The following CFAP91 variants were observed in gnomAD, a reference collection of about 807,000 sequenced individuals.
CFAP91 encodes the protein cilia- and flagella-associated protein 91.
Under a neutral mutation model 95.9 loss-of-function variants are expected in CFAP91, and 85 were observed. The observed-to-expected ratio is 0.89, with a 90% CI of 0.74 to 1.06. The LOEUF (loss-of-function observed/expected upper bound fraction) is 1.06, where lower values mean the gene tolerates loss of function less well. Ranked by LOEUF, CFAP91 falls within the 50% of genes least tolerant of loss-of-function variation. The probability of loss-of-function intolerance (pLI) is 0.00; values close to 1 mark genes in which losing one functional copy is unlikely to be tolerated. For missense variants in CFAP91, 962 were observed against 943.4 expected (o/e 1.02, Z -0.26); for synonymous variants, 335 against 327.5 (o/e 1.02, Z -0.25).
chr3:119,714,933 T>C (rs2053546038), intron 5 of CFAP91, among the ~76,000 whole-genome samples: 1 of 152,224 alleles, frequency 6.6e-6, no homozygotes, highest in African/African-American at 2.4e-5. Context: ...AGTACTTTTA[T>C]AGTCTCATTT....
chr3:119,712,200 C>T (rs1207549588), intron 5 of CFAP91, among the ~76,000 whole-genome samples: 1 of 152,140 alleles, frequency 6.6e-6, no homozygotes, highest in African/African-American at 2.4e-5. Flanking sequence ...TCATATTTTA[C>T]TCTCCCCTAA....
chr3:119,721,377 TACTAAAGGTG>T (rs1396852101), intron 6 of CFAP91, among the ~76,000 whole-genome samples: 2 of 152,208 alleles, frequency 1.3e-5, no homozygotes, highest in African/African-American at 4.8e-5. Context: ...ATAAACATCA[TACTAAAGGTG>T]AAACTTCAGA....
At chr3:119,748,150 A>G (rs1350258967) in intron 16 of CFAP91, among the ~76,000 whole-genome samples, 1 of 152,206 alleles carries the variant, frequency 6.6e-6, no homozygotes, top group Admixed American at 6.5e-5. Flanking sequence ...GTTTAAAAGG[A>G]TGTTCCCAAG....
intron 5 of CFAP91, among the ~76,000 whole-genome samples, chr3:119,711,306 A>T (rs1379366871): frequency 2.6e-5 from 4 of 152,198 alleles, no homozygotes; most frequent in Non-Finnish European, 4.4e-5. Flanking sequence ...ATCCAGAAAT[A>T]GCTGTAGACT....
chr3:119,724,884 A>C (rs769424731), intron 6 of CFAP91, among the ~76,000 whole-genome samples: 28 of 152,134 alleles, frequency 1.8e-4, no homozygotes, highest in Admixed American at 6.6e-4. Flanking sequence ...AGCTGGGACT[A>C]CAGGCGCCCA....
In CFAP91 at chr3:119,709,880, T is replaced by C; in HGVS notation, c.485T>C (p.Val162Ala). 1 of 1,611,290 alleles carries C rather than the reference T, an allele frequency of 6.2e-7. No individual in the cohort carries two copies. Among genetic ancestry groups the C allele is most frequent in the Non-Finnish European group, 8.5e-7 (1 of 1,177,478 alleles). The change falls in exon 5 of 18, where the codon GTT (valine) becomes GCT (alanine). Residue 162 changes from valine to alanine, a missense_variant. Transcript: ENST00000273390. ...TTTCAGCAGATGCCATTCAATGTTG[T>C]TTATGCCGTATCCAAGTAAGTAACC... is the stretch of plus-strand genomic sequence containing the variant. The part of the protein sequence containing the change: ...PFFQQMPFNV[V>A]YAVSKAEPYT...
At chr3:119,747,570 G>C in intron 15 of CFAP91, 1 of 571,266 alleles carries the variant, frequency 1.8e-6, no homozygotes, top group Non-Finnish European at 3.1e-6. Context: ...TGGCTTCTAT[G>C]TATAAGCTGT....
intron 17 of CFAP91, among the ~76,000 whole-genome samples, chr3:119,758,990 T>TA (rs1285792847): frequency 6.6e-6 from 1 of 152,056 alleles, no homozygotes; most frequent in African/African-American, 2.4e-5. Flanking sequence ...TTGAATTTTA[T>TA]AAAAAATGTT....
intron 1 of CFAP91, chr3:119,706,593 A>C: frequency 2.0e-6 from 1 of 506,610 alleles, no homozygotes; most frequent in Admixed American, 3.4e-5. Context: ...GACTTGGAAT[A>C]CTCAGAAAAG....
At chr3:119,726,048 T>G in intron 6 of CFAP91, 123 bp from the exon 7 acceptor site, 3 of 716,386 alleles carry the variant, frequency 4.2e-6, no homozygotes, top group Non-Finnish European at 4.3e-6. Flanking sequence ...CCTAATGTCA[T>G]GTTATGCTGT....
chr3:119,718,735 C>T (rs1399914696), intron 6 of CFAP91, among the ~76,000 whole-genome samples: 1 of 152,030 alleles, frequency 6.6e-6, no homozygotes, highest in Non-Finnish European at 1.5e-5. Flanking sequence ...AAAATGATTG[C>T]AAACCTAGAA....
intron 17 of CFAP91, among the ~76,000 whole-genome samples, chr3:119,757,148 G>A (rs1395900752): frequency 1.3e-5 from 2 of 152,090 alleles, no homozygotes; most frequent in Non-Finnish European, 2.9e-5. Flanking sequence ...GAGAAAAAGA[G>A]GGACATGCCA....
chr3:119,750,400 G>GGTCGCCGT, intron 16 of CFAP91: 1 of 158,792 alleles, frequency 6.3e-6, no homozygotes, highest in South Asian at 1.7e-4. Context: ...CCCTGATAGT[G>GGTCGCCGT]AATATTCTTA....
At chr3:119,747,964 C>A in intron 16 of CFAP91, 62 bp downstream of exon 16, 1 of 1,263,704 alleles carries the variant, frequency 7.9e-7, no homozygotes, top group Non-Finnish European at 1.1e-6. Flanking sequence ...TTTCAATATC[C>A]CAGAGATTTA....
chr3:119,749,125 C>T (rs1317042689), intron 16 of CFAP91: 1 of 152,218 alleles, frequency 6.6e-6, no homozygotes, highest in Non-Finnish European at 1.5e-5. Context: ...CTCTGTTCCA[C>T]TTCTCCTGAG....
At chr3:119,750,523 C>T (rs944760685) in intron 16 of CFAP91, 3 of 194,922 alleles carry the variant, frequency 1.5e-5, no homozygotes, top group African/African-American at 7.2e-5. Flanking sequence ...AAGACTAGGT[C>T]TTTATATTTG....
chr3:119,738,331 T>TC (rs1334623554), intron 11 of CFAP91, among the ~76,000 whole-genome samples: 36 of 117,032 alleles, frequency 3.1e-4, no homozygotes, highest in Admixed American at 5.8e-4. Context: ...TGACATATTG[T>TC]CTTTTTTTTT....
At chr3:119,739,767 T>C (rs1026261921) in intron 12 of CFAP91, among the ~76,000 whole-genome samples, 9 of 152,240 alleles carry the variant, frequency 5.9e-5, no homozygotes, top group African/African-American at 1.9e-4. Flanking sequence ...TAATAAATTA[T>C]GGTTTTGAAC....
intron 2 of CFAP91, 102 bp from the exon 3 acceptor site, chr3:119,707,302 C>A: frequency 1.1e-6 from 1 of 890,514 alleles, no homozygotes; most frequent in Non-Finnish European, 1.7e-6. Context: ...ATGCTGTATA[C>A]ATTGTTTTGT....
Sources: gnomAD v4.1 joint callset for allele counts (sites outside exome capture counted in the v4.1 genomes callset) on GRCh38, gnomAD v4.1.1 for gene constraint, MANE v1.5 for transcripts, NCBI Gene and HGNC (gene_info 2026-07-23, HGNC 2026-07-21) for gene names.